Variants in EFCC1 observed in about 807,000 individuals in gnomAD.
EFCC1 encodes EF-hand and coiled-coil domain-containing protein 1.
A neutral mutation model predicts 52.1 loss-of-function variants in EFCC1; 50 were observed. The observed-to-expected ratio is 0.96, with a 90% CI of 0.76 to 1.21. The LOEUF (loss-of-function observed/expected upper bound fraction) is 1.21, where lower values mean the gene tolerates loss of function less well. Among genes scored for constraint, EFCC1 ranks in the 50% most tolerant of loss-of-function variants. EFCC1 has a pLI of 0.00. For missense variants in EFCC1, 837 were observed against 867.3 expected, an observed-to-expected ratio of 0.97 and a Z score of 0.44; for synonymous variants, 399 against 396.5, an observed-to-expected ratio of 1.01 and a Z score of -0.08.
chr3:129,012,666 AC>A (rs1327690913), intron 2 of EFCC1, among the ~76,000 whole-genome samples: 1 of 152,178 alleles, frequency 6.6e-6, no homozygotes, highest in Non-Finnish European at 1.5e-5. Context: ...CACACGCTCA[AC>A]CCTGAAGTGG....
At chr3:129,033,308 C>T (rs757884494) in intron 4 of EFCC1, among the ~76,000 whole-genome samples, 79 of 152,194 alleles carry the variant, frequency 5.2e-4, no homozygotes, top group African/African-American at 1.9e-3. Context: ...TTCCACAGCT[C>T]TCCAGCCTGG....
rs1431814438 is a variant in EFCC1 at position 129,002,119 on chromosome 3, G to C, written c.491G>C (p.Gly164Ala). The change falls in exon 1 of 8, where the codon GGC becomes GCC. Residue 164 changes from glycine (G) to alanine (A), a missense_variant. Transcript: ENST00000683648. ...CGTGCGGGGCCCCGGCTGCCCCGCG[G>C]CGCTCTCAGCGAGCACATCGAGACG... The part of the protein sequence containing the change: ...GTRAGPRLPR[G>A]ALSEHIETQI... 2.7e-6 allele frequency: 4 copies of C among 1,476,408 alleles called. No individual in the cohort carries two copies. 91.5% of individuals were successfully genotyped at this position (1,476,408 alleles called of 1,614,324 possible). A position where few individuals can be genotyped will look rare whatever the true frequency, so the allele number is the denominator to read the frequency against.
rs1026628079 is a variant in EFCC1 at position 129,032,984 on chromosome 3, C to T, written c.1286+18C>T. 4.0e-5 allele frequency: 60 copies of T among 1,512,876 alleles called. No homozygotes were observed. The highest frequency in any genetic ancestry group is 4.8e-5 in the Non-Finnish European group (54 of 1,125,660). 93.7% of individuals were successfully genotyped at this position (1,512,876 alleles called of 1,614,324 possible). A position where few individuals can be genotyped will look rare whatever the true frequency, so the allele number is the denominator to read the frequency against. ...AGAGGCAGGTGTGTGGCCCGTCCAG[C>T]GTCAGCCACTGTGGGCCGCAGGCTC... On this transcript the variant is annotated intron_variant, in intron 4 of 7. Transcript: ENST00000683648.
chr3:129,016,532 C>A (rs1220547326), intron 2 of EFCC1, among the ~76,000 whole-genome samples: 2 of 150,660 alleles, frequency 1.3e-5, no homozygotes, highest in Non-Finnish European at 3.0e-5. Flanking sequence ...AGCCCATAAG[C>A]CGTGCCCGTG....
intron 2 of EFCC1, among the ~76,000 whole-genome samples, chr3:129,011,305 C>G (rs1237359524): frequency 6.6e-6 from 1 of 152,170 alleles, no homozygotes; most frequent in Non-Finnish European, 1.5e-5. Flanking sequence ...AATCCCAACA[C>G]TTTGGGAGGC....
intron 6 of EFCC1, among the ~76,000 whole-genome samples, chr3:129,038,395 C>T (rs1946383630): frequency 2.6e-5 from 4 of 152,376 alleles, no homozygotes; most frequent in African/African-American, 7.2e-5. Flanking sequence ...TGCAGCCTCA[C>T]GGTAGATGAT....
Position 129,001,773 on chromosome 3 carries a change from G to A in EFCC1, c.145G>A (p.Val49Met). Residue 49 changes from valine (V) to methionine (M), a missense_variant, in exon 1 of 8, where the codon GTG (valine) becomes ATG (methionine). By Grantham distance (21) the Val-to-Met change is conservative. Transcript: ENST00000683648. ...GLDRGVENEI[V>M]VLATGLDQYL... Reference sequence around the variant, plus strand: ...GGACCGCGGCGTGGAGAACGAGATCGTGGTGCTGGCCACCGGCCTGGACCA... The same window carrying A: ...GGACCGCGGCGTGGAGAACGAGATCATGGTGCTGGCCACCGGCCTGGACCA... 1.3e-6 allele frequency: 2 copies of A among 1,543,062 alleles called. No homozygotes were observed. The highest frequency in any genetic ancestry group is 2.8e-5 in the African/African-American group (2 of 72,440).
intron 2 of EFCC1, among the ~76,000 whole-genome samples, chr3:129,011,550 C>CAAAAAAAAAA (rs1201411639): frequency 1.1e-5 from 1 of 93,484 alleles, no homozygotes; most frequent in African/African-American, 3.8e-5. Flanking sequence ...GACTCCGTCT[C>CAAAAAAAAAA]AAAAAAAAAA....
In EFCC1 at chr3:129,034,237, C is replaced by A; in HGVS notation, c.1360C>A (p.Leu454Met). The A allele has an allele frequency of 6.2e-7, 1 of 1,614,202 alleles. No homozygotes were observed. The highest frequency in any genetic ancestry group is 2.2e-5 in the East Asian group (1 of 44,880). ...CGGCGGTGCCAACCATGCCCATACC[C>A]TGGGGGAGCTGGAGGCCTGCATTGC... ...HFGGANHAHTLGELEACIAML... is the reference protein window; with the variant it reads ...HFGGANHAHTMGELEACIAML... The change falls in exon 5 of 8, where the codon CTG becomes ATG. Residue 454 changes from leucine to methionine, a missense_variant. Physicochemically the swap from Leu to Met is conservative, Grantham distance 15. Coordinates refer to ENST00000683648, the MANE Select transcript of EFCC1 (RefSeq NM_001377500.1).
intron 5 of EFCC1, among the ~76,000 whole-genome samples, chr3:129,035,834 T>C (rs1055008719): frequency 2.6e-5 from 4 of 152,320 alleles, no homozygotes; most frequent in South Asian, 2.1e-4. Flanking sequence ...CTTGGAAAAG[T>C]TACTCAACTT....
chr3:129,003,888 T>TGGCTGCGGCGGAGGCCCGCGCTGGGC lies in EFCC1; in HGVS notation c.799_824dup (p.Gly277ArgfsTer71). On this transcript the variant is annotated frameshift_variant, in exon 2 of 8. Coordinates refer to ENST00000683648, the MANE Select transcript of EFCC1 (RefSeq NM_001377500.1). LOFTEE classifies it high-confidence loss of function. ...GAGCTGCGTCAGGCGCAGGGCGCCC[T>TGGCTGCGGCGGAGGCCCGCGCTGGGC]GGCTGCGGCGGAGGCCCGCGCTGGG... 7.2e-7 allele frequency: 1 copy of TGGCTGCGGCGGAGGCCCGCGCTGGGC among 1,392,324 alleles called. No individual in the cohort carries two copies. The highest frequency in any genetic ancestry group is 9.3e-7 in the Non-Finnish European group (1 of 1,075,432). 86.2% of individuals were successfully genotyped at this position (1,392,324 alleles called of 1,614,324 possible).
intron 2 of EFCC1, among the ~76,000 whole-genome samples, chr3:129,005,094 G>C (rs1485293517): frequency 6.6e-6 from 1 of 152,226 alleles, no homozygotes; most frequent in African/African-American, 2.4e-5. Context: ...CACATTTGCT[G>C]AGCACTTTCT....
Position 129,001,917 on chromosome 3 carries a change from G to C in EFCC1, c.289G>C (p.Gly97Arg). ...GCGCGCGGAGGGGGCCACCACGGCC[G>C]GGCAGGCAGCAGGTGACGGGAACTC... ...GLRAEGATTA[G>R]QAAGDGNSRD... is the part of the protein sequence containing the mutation. The change falls in exon 1 of 8, where the codon GGG becomes CGG. Residue 97 changes from glycine to arginine, a missense_variant. Coordinates refer to ENST00000683648, the MANE Select transcript of EFCC1 (RefSeq NM_001377500.1). 2 of 1,538,914 alleles carry C rather than the reference G, an allele frequency of 1.3e-6. No homozygotes were observed. The highest frequency in any genetic ancestry group is 1.8e-6 in the Non-Finnish European group (2 of 1,141,194).
chr3:129,002,108 G>A lies in EFCC1; in HGVS notation c.480G>A (p.Arg160=). 1.3e-6 allele frequency: 2 copies of A among 1,490,276 alleles called. No individual in the cohort carries two copies. The highest frequency in any genetic ancestry group is 1.8e-6 in the Non-Finnish European group (2 of 1,124,370). 92.3% of individuals were successfully genotyped at this position (1,490,276 alleles called of 1,614,324 possible). ...CGYFGTRAGP[R]LPRGALSEHI... ...ACTTCGGCACCCGTGCGGGGCCCCG[G>A]CTGCCCCGCGGCGCTCTCAGCGAGC... The change falls in exon 1 of 8, where the codon CGG becomes CGA. Residue 160 remains arginine (R), a synonymous_variant. Transcript: ENST00000683648.
At position 129,001,536 on chromosome 3, in the gene EFCC1, C is replaced by A; in HGVS notation, c.-93C>A. On this transcript the variant is annotated 5_prime_UTR_variant, in exon 1 of 8. Transcript: ENST00000683648. ...TCCAACCAGACCGCGACCGCTAAGC[C>A]CCTCCTTTCGAGAAACTCTGGGGCC... 4 of 1,340,868 alleles carry A rather than the reference C, an allele frequency of 3.0e-6. No individual in the cohort carries two copies. The highest frequency in any genetic ancestry group is 2.9e-6 in the Non-Finnish European group (3 of 1,051,928). 83.1% of individuals were successfully genotyped at this position (1,340,868 alleles called of 1,614,324 possible).
intron 2 of EFCC1, among the ~76,000 whole-genome samples, chr3:129,020,737 A>G (rs1197945320): frequency 6.6e-6 from 1 of 152,224 alleles, no homozygotes; most frequent in Non-Finnish European, 1.5e-5. Flanking sequence ...TTAAACAGAC[A>G]CAGGCCAGAT....
intron 2 of EFCC1, 102 bp from the exon 3 acceptor site, chr3:129,030,601 G>C (rs1034560665): frequency 2.2e-6 from 3 of 1,338,442 alleles, no homozygotes; most frequent in Non-Finnish European, 3.0e-6. Context: ...GACTCTGCCA[G>C]GGTGACAATG....
At chr3:129,008,325 T>TC (rs2107868959) in intron 2 of EFCC1, among the ~76,000 whole-genome samples, 1 of 152,340 alleles carries the variant, frequency 6.6e-6, no homozygotes, top group South Asian at 2.1e-4. Context: ...CTGTCCCTAA[T>TC]CCCTCCATGG....
At chr3:129,036,088 A>C (rs1200951178) in intron 5 of EFCC1, among the ~76,000 whole-genome samples, 1 of 152,234 alleles carries the variant, frequency 6.6e-6, no homozygotes. Flanking sequence ...CAGGAAAGTC[A>C]TAGCCCTGTG....
Sources: gnomAD v4.1 joint callset for allele counts (sites outside exome capture counted in the v4.1 genomes callset) on GRCh38, gnomAD v4.1.1 for gene constraint, MANE v1.5 for transcripts, NCBI Gene and HGNC (gene_info 2026-07-23, HGNC 2026-07-21) for gene names.